Variants in ZNF331 observed in about 807,000 individuals in gnomAD.
ZNF331 encodes the protein C2H2-like zinc finger protein rearranged in thyroid adenomas.
A neutral mutation model predicts 7.0 loss-of-function variants in ZNF331; 2 were observed. The ratio of observed to expected loss-of-function variants is 0.29; its 90% CI spans 0.12 to 0.90. The LOEUF is 0.90. Among genes scored for constraint, ZNF331 ranks in the 40% least tolerant of loss-of-function variants. The probability of loss-of-function intolerance (pLI) is 0.58; values close to 1 mark genes in which losing one functional copy is unlikely to be tolerated. For missense variants in ZNF331, 432 were observed against 587.7 expected (o/e 0.74, Z 2.74); for synonymous variants, 196 against 205.4 (o/e 0.95, Z 0.39).
At chr19:53,536,806 C>T (rs371749967), upstream of ZNF331, among the ~76,000 whole-genome samples, 117 of 152,210 alleles carry the variant, frequency 7.7e-4, 3 homozygotes, top group South Asian at 0.023. Flanking sequence ...GGGAGGCTGA[C>T]GCAGGAGAAC....
intron 2 of ZNF331, among the ~76,000 whole-genome samples, chr19:53,531,142 GA>G (rs1568464575): frequency 6.6e-6 from 1 of 152,032 alleles, no homozygotes; most frequent in Admixed American, 6.6e-5. Context: ...ACATTCTTAC[GA>G]AAAAGCACGC....
At chr19:53,524,719 G>T (rs1431495924) in intron 2 of ZNF331, among the ~76,000 whole-genome samples, 2 of 152,102 alleles carry the variant, frequency 1.3e-5, no homozygotes, top group African/African-American at 2.4e-5. Flanking sequence ...TAGGTTGTCT[G>T]TTCCTTCTGA....
intron 2 of ZNF331, among the ~76,000 whole-genome samples, chr19:53,541,334 G>A (rs982526258): frequency 1.3e-5 from 2 of 152,042 alleles, no homozygotes; most frequent in East Asian, 1.9e-4. Flanking sequence ...TCGAGCTCCC[G>A]ACCTCAGGTG....
intron 3 of ZNF331, among the ~76,000 whole-genome samples, chr19:53,567,905 T>G (rs936492275): frequency 5.3e-5 from 8 of 151,260 alleles, no homozygotes; most frequent in Admixed American, 6.6e-5. Context: ...GATGTTATGC[T>G]CATGGTTACA....
the ZNF331 span, among the ~76,000 whole-genome samples, chr19:53,505,169 T>C: frequency 1.3e-5 from 2 of 152,264 alleles, no homozygotes; most frequent in Admixed American, 6.5e-5. Context: ...CTTTTTTTTC[T>C]GTACCTTCTG....
the ZNF331 span, chr19:53,512,799 A>G: frequency 6.7e-6 from 1 of 149,662 alleles, no homozygotes; most frequent in South Asian, 2.1e-4. Flanking sequence ...TGAACTGTGC[A>G]TGCGAAGGAT....
chr19:53,574,403 C>T (rs1173945719), intron 5 of ZNF331, among the ~76,000 whole-genome samples: 1 of 152,090 alleles, frequency 6.6e-6, no homozygotes, highest in Non-Finnish European at 1.5e-5. Flanking sequence ...TCCAAGAGCT[C>T]AGGCCCAAAG....
chr19:53,527,151 T>C (rs563877648), intron 2 of ZNF331, among the ~76,000 whole-genome samples: 1 of 152,036 alleles, frequency 6.6e-6, no homozygotes, highest in African/African-American at 2.4e-5. Flanking sequence ...AGATTGTGCC[T>C]GGGTGACAGA....
At chr19:53,555,088 G>A (rs1247461419) in intron 2 of ZNF331, among the ~76,000 whole-genome samples, 1 of 152,046 alleles carries the variant, frequency 6.6e-6, no homozygotes. Context: ...TGCTGGGATG[G>A]TTGGTCGGGC....
chr19:53,577,288 A>T lies in ZNF331; in HGVS notation c.728A>T (p.Tyr243Phe). ...AGATTCCACACTGGGGAGAAAGACT[A>T]CGAATGCAAAGACTGTGGGAAGACC... ...HQRFHTGEKD[Y>F]ECKDCGKTFS... Residue 243 changes from tyrosine (Y) to phenylalanine (F), a missense_variant, in exon 6 of 6, where the codon TAC (tyrosine) becomes TTC (phenylalanine). Tyr to Phe is a conservative substitution (Grantham distance 22). Transcript: ENST00000449416. 1 of 1,613,930 alleles carries T rather than the reference A, an allele frequency of 6.2e-7. No individual in the cohort carries two copies. The highest frequency in any genetic ancestry group is 8.5e-7 in the Non-Finnish European group (1 of 1,179,974).
chr19:53,554,611 G>C (rs1047231358), intron 2 of ZNF331: 2 of 152,336 alleles, frequency 1.3e-5, no homozygotes, highest in Non-Finnish European at 2.9e-5. Context: ...GTGCACGCAA[G>C]CGTCATTGGG....
chr19:53,577,491 G>A lies in ZNF331; in HGVS notation c.931G>A (p.Val311Ile), dbSNP rs774215561. Reference sequence around the variant, plus strand: ...AGAATGTGGGAAGGCCTTTACTCGAGTCAATTACCTTACTCAGCATCAGAA... The same window carrying A: ...AGAATGTGGGAAGGCCTTTACTCGAATCAATTACCTTACTCAGCATCAGAA... ...CQECGKAFTR[V>I]NYLTQHQKIH... Residue 311 changes from valine to isoleucine, a missense_variant, in exon 6 of 6, where the codon GTC (valine) becomes ATC (isoleucine). Physicochemically the swap from Val to Ile is conservative, Grantham distance 29. This residue lies in a region of ZNF331 where 312 missense variants were observed against 448.6 expected (regional missense o/e 0.70). Transcript: ENST00000449416. The A allele has an allele frequency of 7.4e-6, 12 of 1,612,678 alleles. No individual in the cohort carries two copies. Among genetic ancestry groups the A allele is most frequent in the Non-Finnish European group, 9.3e-6 (11 of 1,178,976 alleles).
chr19:53,549,516 G>A (rs2088845285), intron 2 of ZNF331, among the ~76,000 whole-genome samples: 1 of 152,080 alleles, frequency 6.6e-6, no homozygotes, highest in East Asian at 1.9e-4. Flanking sequence ...TCATGAGACA[G>A]GAAGATGAAG....
rs2090569954 is a variant in ZNF331, at chr19:53,573,663, T to A, written c.136+1933T>A. ...TTGTGTTTTTTCTTAGAGATGGGAT[T>A]TCGCCATGTTGTCCAAGCTGATCTT... On this transcript the variant is annotated intron_variant, in intron 5 of 5. Transcript: ENST00000449416. The surrounding 1 kb of genome is among the most constrained non-coding windows in gnomAD (Gnocchi z 4.2). Among the ~76,000 whole-genome samples, 1 of 151,956 alleles carries A rather than the reference T, an allele frequency of 6.6e-6. No individual in the cohort carries two copies. The highest frequency in any genetic ancestry group is 1.5e-5 in the Non-Finnish European group (1 of 67,990).
chr19:53,563,645 A>C (rs2090005868), intron 3 of ZNF331: 1 of 152,120 alleles, frequency 6.6e-6, no homozygotes, highest in Non-Finnish European at 1.5e-5. Flanking sequence ...TGTAATGTTG[A>C]TCTTCAATAA....
In ZNF331 at chr19:53,545,502, C is replaced by T. The variant is rs547725407; in HGVS notation, c.-138+6220C>T. ...TACCCTTCTGAGAACAGCCGTGGCT[C>T]GCCCGGCATCACCCCACTCAAGAGG... On this transcript the variant is annotated intron_variant, in intron 2 of 5. Coordinates refer to ENST00000449416, the MANE Select transcript of ZNF331 (RefSeq NM_001079906.2). 7.9e-5 allele frequency among the ~76,000 whole-genome samples: 12 copies of T among 152,320 alleles called. No individual in the cohort carries two copies. In the South Asian group the frequency reaches 2.1e-3, roughly 26 times the overall value.
At chr19:53,526,276 T>A (rs2708774) in intron 2 of ZNF331, among the ~76,000 whole-genome samples, 1 of 151,956 alleles carries the variant, frequency 6.6e-6, no homozygotes, top group Non-Finnish European at 1.5e-5. Context: ...GGTCATGCTG[T>A]TCTTATAAAA....
chr19:53,569,174 A>G, intron 3 of ZNF331, 130 bp from the exon 4 acceptor site: 1 of 567,904 alleles, frequency 1.8e-6, no homozygotes, highest in Non-Finnish European at 3.2e-6. Flanking sequence ...GATACTCTTC[A>G]CCTTTCCCAG....
upstream of ZNF331, among the ~76,000 whole-genome samples, chr19:53,517,045 T>C (rs2086919700): frequency 6.6e-6 from 1 of 152,132 alleles, no homozygotes; most frequent in Non-Finnish European, 1.5e-5. Flanking sequence ...CTCACAGAGA[T>C]CTAATTCCAC....
Sources: allele counts gnomAD v4.1 joint callset (sites outside exome capture counted in the v4.1 genomes callset), GRCh38; gene constraint gnomAD v4.1.1; regional missense constraint gnomAD v4.1.1; non-coding constraint Gnocchi (gnomAD v3.1); transcripts MANE v1.5; gene names NCBI Gene and HGNC (gene_info 2026-07-23, HGNC 2026-07-21).